The following TRMT10B variants were observed in gnomAD, a reference collection of about 807,000 sequenced individuals.
TRMT10B encodes tRNA methyltransferase 10B.
In TRMT10B, 33 loss-of-function variants were observed where a neutral mutation model predicts 43.8. The observed-to-expected ratio is 0.75, with a 90% CI of 0.57 to 1.01. The LOEUF is 1.01. Among genes scored for constraint, TRMT10B ranks in the 50% least tolerant of loss-of-function variants. The probability of loss-of-function intolerance (pLI) is 0.00; values close to 1 mark genes in which losing one functional copy is unlikely to be tolerated. For missense variants in TRMT10B, 362 were observed against 369.8 expected, an observed-to-expected ratio of 0.98 and a Z score of 0.17; for synonymous variants, 137 against 130.6, an observed-to-expected ratio of 1.05 and a Z score of -0.34.
chr9:37,762,783 C>T (rs895942780), intron 3 of TRMT10B, 98 bp downstream of exon 3: 11 of 1,388,930 alleles, frequency 7.9e-6, no homozygotes, highest in Non-Finnish European at 9.6e-6. Context: ...AAGTAAAAAG[C>T]ATCTGGGATG....
In TRMT10B at chr9:37,770,589, TTAA is replaced by T; in HGVS notation, c.653-78_653-76del. The T allele has an allele frequency of 7.2e-6, 9 of 1,248,692 alleles. No homozygotes were observed. The South Asian group carries it at 9.4e-5, about 13-fold the overall frequency. 77.4% of individuals were successfully genotyped at this position (1,248,692 alleles called of 1,614,324 possible). ...TTCTACTGAATTTCTACTTTTATTG[TTAA>T]TAATTCTTTCATTTTGCTTTCTCTG... On this transcript the variant is annotated intron_variant, in intron 6 of 8. Transcript: ENST00000297994.
Position 37,761,975 on chromosome 9 carries a change from C to T in TRMT10B, c.44C>T (p.Pro15Leu), listed in dbSNP as rs201086353. The T allele has an allele frequency of 5.5e-5, 89 of 1,613,758 alleles. No individual in the cohort carries two copies. Among genetic ancestry groups the T allele is most frequent in the Middle Eastern group, 1.6e-4 (1 of 6,084 alleles). Reference sequence around the variant, plus strand: ...GGGAGTACTCAGAAAGTAGAGTCACCTGTGCTGCAGGGGCAAGAAGGCATC... The same window carrying T: ...GGGAGTACTCAGAAAGTAGAGTCACTTGTGCTGCAGGGGCAAGAAGGCATC... ...LEGSTQKVES[P>L]VLQGQEGILE... The change falls in exon 2 of 9, where the codon CCT becomes CTT. Residue 15 changes from proline to leucine, a missense_variant. Transcript: ENST00000297994.
chr9:37,752,909 G>A (rs1403821092), upstream of TRMT10B, among the ~76,000 whole-genome samples: 5 of 152,160 alleles, frequency 3.3e-5, no homozygotes, highest in East Asian at 1.9e-4. Context: ...GCGGCAACCC[G>A]TTGGGGTTGC....
chr9:37,770,203 A>G (rs999875127), intron 6 of TRMT10B, among the ~76,000 whole-genome samples, 184 bp downstream of exon 6: 3 of 152,136 alleles, frequency 2.0e-5, no homozygotes, highest in Non-Finnish European at 4.4e-5. Flanking sequence ...GTGTCTTACC[A>G]TGGCTCACAG....
intron 1 of TRMT10B, among the ~76,000 whole-genome samples, chr9:37,754,544 T>C (rs531483601): frequency 8.0e-4 from 122 of 152,196 alleles, no homozygotes; most frequent in Non-Finnish European, 1.4e-3. Flanking sequence ...ATCAAATACT[T>C]AGGATGCTCA....
chr9:37,767,677 C>T (rs1158589144), intron 4 of TRMT10B, among the ~76,000 whole-genome samples: 1 of 151,812 alleles, frequency 6.6e-6, no homozygotes, highest in Non-Finnish European at 1.5e-5. Context: ...AACTTCCAAC[C>T]CTATTGCATC....
At chr9:37,773,331 G>A (rs910784753) in intron 7 of TRMT10B, among the ~76,000 whole-genome samples, 3 of 151,058 alleles carry the variant, frequency 2.0e-5, no homozygotes, top group Non-Finnish European at 4.4e-5. Context: ...ATGTTGCTCA[G>A]GCTGGTCTTG....
Position 37,753,812 on chromosome 9 carries a change from C to T in TRMT10B, c.-70C>T, listed in dbSNP as rs773563480. 1.3e-5 allele frequency: 2 copies of T among 152,166 alleles called. No homozygotes were observed. The highest frequency in any genetic ancestry group is 4.8e-5 in the African/African-American group (2 of 41,410). The allele number at this position is 152,166 out of a possible 1,614,324, so 9.4% of individuals were successfully genotyped here. ...AGCGAGGCCGGGGGCGGGGGGGATC[C>T]GATGCGCGCCGCTGCCGCTGCGTGG... On this transcript the variant is annotated 5_prime_UTR_variant, in exon 1 of 9. Coordinates refer to ENST00000297994, the MANE Select transcript of TRMT10B (RefSeq NM_144964.4).
At chr9:37,759,297 T>C (rs1407583494) in intron 1 of TRMT10B, among the ~76,000 whole-genome samples, 2 of 152,184 alleles carry the variant, frequency 1.3e-5, no homozygotes, top group East Asian at 3.8e-4. Context: ...TACTCAGCAA[T>C]AAAAAAGCAA....
intron 1 of TRMT10B, among the ~76,000 whole-genome samples, chr9:37,757,006 C>CTTTTTTTTTTTTT (rs11412966): frequency 6.8e-6 from 1 of 147,342 alleles, no homozygotes. Context: ...TATCTCTTAA[C>CTTTTTTTTTTTTT]TTTTTTTTTT....
Position 37,768,117 on chromosome 9 carries a change from T to C in TRMT10B, c.462T>C (p.Gly154=), listed in dbSNP as rs773337862. The C allele has an allele frequency of 2.5e-6, 4 of 1,614,108 alleles. No individual in the cohort carries two copies. The East Asian group carries it at 8.9e-5, about 36-fold the overall frequency. The change falls in exon 5 of 9, where the codon GGT becomes GGC. Residue 154 remains glycine, a synonymous_variant. Transcript: ENST00000297994. ...CTGGACAGATTCGAAGGTTGTATGG[T>C]TCAAACAAAAAAGCTGACAGGCCAT... ...RLAGQIRRLY[G]SNKKADRPFW... is the part of the protein sequence containing the mutation.
In TRMT10B at chr9:37,766,255, A is replaced by G. The variant is rs1416552197; in HGVS notation, c.421-1821A>G. Among the ~76,000 whole-genome samples, 6 of 152,076 alleles carry G rather than the reference A, an allele frequency of 3.9e-5. No individual in the cohort carries two copies. The East Asian group carries it at 9.6e-4, about 24-fold the overall frequency. On this transcript the variant is annotated intron_variant, in intron 4 of 8. Coordinates refer to ENST00000297994, the MANE Select transcript of TRMT10B (RefSeq NM_144964.4). Reference sequence around the variant, plus strand: ...TAATCCATCTTGAATTAATTTTTGTATAAGGTGTAAGGAAGGGATCCAGTT... The same window carrying G: ...TAATCCATCTTGAATTAATTTTTGTGTAAGGTGTAAGGAAGGGATCCAGTT...
chr9:37,756,846 GTA>G (rs557393888), intron 1 of TRMT10B, among the ~76,000 whole-genome samples: 1,605 of 151,062 alleles, frequency 0.011, 25 homozygotes, highest in African/African-American at 0.038. Flanking sequence ...ATGTATGTGT[GTA>G]TATATACACA....
At chr9:37,760,438 T>C (rs1826201446) in intron 1 of TRMT10B, among the ~76,000 whole-genome samples, 1 of 152,192 alleles carries the variant, frequency 6.6e-6, no homozygotes, top group Non-Finnish European at 1.5e-5. Flanking sequence ...GGCGGGAGGA[T>C]TGCTTGAGCA....
intron 4 of TRMT10B, 59 bp from the exon 5 acceptor site, chr9:37,768,017 T>C (rs1827173862): frequency 1.9e-6 from 3 of 1,594,088 alleles, no homozygotes; most frequent in Admixed American, 1.7e-5. Context: ...CATTTCTTGA[T>C]AGCTAATTTA....
intron 7 of TRMT10B, among the ~76,000 whole-genome samples, chr9:37,772,105 G>A (rs1827656816): frequency 1.3e-5 from 2 of 152,092 alleles, no homozygotes; most frequent in Non-Finnish European, 2.9e-5. Context: ...GCAATCTCAT[G>A]GGCTCATTTG....
In TRMT10B at chr9:37,767,367, G is replaced by A. The variant is rs567608357; in HGVS notation, c.421-709G>A. ...CCTGCCTCTAAAAAATTAAAAATTA[G>A]CCAGGTATGGTGGCCTGTACCTGTA... is the stretch of plus-strand genomic sequence containing the variant. On this transcript the variant is annotated intron_variant, in intron 4 of 8. Transcript: ENST00000297994. 3 of 151,726 alleles carry A rather than the reference G, an allele frequency of 2.0e-5. No homozygotes were observed. The East Asian group carries it at 5.8e-4, about 29-fold the overall frequency. 9.4% of individuals were successfully genotyped at this position (151,726 alleles called of 1,614,324 possible).
chr9:37,753,231 G>T (rs952506145), upstream of TRMT10B, among the ~76,000 whole-genome samples: 2 of 152,186 alleles, frequency 1.3e-5, no homozygotes, highest in African/African-American at 2.4e-5. Flanking sequence ...GATGGTCCGC[G>T]GTTTCATTCT....
chr9:37,762,746 G>A, intron 3 of TRMT10B, 61 bp downstream of exon 3: 1 of 1,498,944 alleles, frequency 6.7e-7, no homozygotes, highest in Non-Finnish European at 8.9e-7. Flanking sequence ...GTGTCTGCAT[G>A]TTCCAATGAG....
Sources: allele counts gnomAD v4.1 joint callset (sites outside exome capture counted in the v4.1 genomes callset), GRCh38; gene constraint gnomAD v4.1.1; transcripts MANE v1.5; gene names NCBI Gene and HGNC (gene_info 2026-07-23, HGNC 2026-07-21).